STRN: variants seen among roughly 807,000 people sequenced by gnomAD.
STRN encodes striatin, also known as protein phosphatase 2 regulatory subunit B'''alpha.
Under a neutral mutation model 96.3 loss-of-function variants are expected in STRN, and 53 were observed. The observed-to-expected ratio is 0.55, with a 90% CI of 0.44 to 0.69. The LOEUF is 0.69. STRN is among the 30% of genes least tolerant of loss of function. The pLI is 0.00. For synonymous variants in STRN, 428 were observed against 355.9 expected (o/e 1.20, Z -2.28); for missense variants, 987 against 963.9 (o/e 1.02, Z -0.32).
chr2:36,949,570 T>C (rs540086195), intron 1 of STRN, among the ~76,000 whole-genome samples: 1 of 152,326 alleles, frequency 6.6e-6, no homozygotes, highest in Non-Finnish European at 1.5e-5. Flanking sequence ...GAAGAAGTAG[T>C]ACTAGTAATT....
At chr2:36,919,541 G>T (rs376357423) in intron 2 of STRN, among the ~76,000 whole-genome samples, 9 of 152,182 alleles carry the variant, frequency 5.9e-5, no homozygotes, top group African/African-American at 2.2e-4. Context: ...CACCCAAAAG[G>T]TATGGAAGGA....
intron 12 of STRN, among the ~76,000 whole-genome samples, chr2:36,864,111 G>C (rs1481258829): frequency 6.6e-6 from 1 of 152,168 alleles, no homozygotes; most frequent in East Asian, 1.9e-4. Context: ...AACAAAGACA[G>C]TTTGACTGCC....
intron 14 of STRN, among the ~76,000 whole-genome samples, chr2:36,856,020 T>C (rs1258254752): frequency 1.3e-5 from 2 of 152,162 alleles, no homozygotes; most frequent in African/African-American, 4.8e-5. Flanking sequence ...AAAATGTGCA[T>C]ACTGCAGAAG....
intron 7 of STRN, among the ~76,000 whole-genome samples, chr2:36,892,938 T>G (rs2148187004): frequency 6.6e-6 from 1 of 152,168 alleles, no homozygotes; most frequent in African/African-American, 2.4e-5. Context: ...GAGAATTGCT[T>G]GAACCCGGGA....
At chr2:36,955,660 T>C (rs1241651928) in intron 1 of STRN, among the ~76,000 whole-genome samples, 1 of 152,148 alleles carries the variant, frequency 6.6e-6, no homozygotes, top group Non-Finnish European at 1.5e-5. Context: ...GATTACTACG[T>C]CCAGTCCTTA....
chr2:36,934,536 G>T (rs1301561428), intron 1 of STRN, among the ~76,000 whole-genome samples: 2 of 152,158 alleles, frequency 1.3e-5, no homozygotes, highest in Non-Finnish European at 2.9e-5. Flanking sequence ...GAGTTAACAT[G>T]TTTTAAACCA....
In STRN at chr2:36,849,568, A is replaced by G. The variant is rs761493211; in HGVS notation, c.2231T>C (p.Phe744Ser). 39 of 1,614,080 alleles carry G rather than the reference A, an allele frequency of 2.4e-5. No homozygotes were observed. The highest frequency in any genetic ancestry group is 3.0e-5 in the Non-Finnish European group (35 of 1,180,022). ...TTCAAACTTTTTTCGATGAGCTGTGAATTCTTGGATACACGTCTTACTTTC... is the reference window on the plus strand; with the variant it reads ...TTCAAACTTTTTTCGATGAGCTGTGGATTCTTGGATACACGTCTTACTTTC... ...NLESKTCIQE[F>S]TAHRKKFEES... Residue 744 changes from phenylalanine to serine, a missense_variant, in exon 18 of 18, where the codon TTC becomes TCC. Coordinates refer to ENST00000263918, the MANE Select transcript of STRN (RefSeq NM_003162.4).
intron 9 of STRN, among the ~76,000 whole-genome samples, chr2:36,882,939 G>T (rs976424076): frequency 6.6e-6 from 1 of 152,028 alleles, no homozygotes; most frequent in African/African-American, 2.4e-5. Flanking sequence ...GTGTCTAAAA[G>T]AAAGAACTGT....
rs1028317265 is a variant in STRN at position 36,846,295 on chromosome 2, C to A, written c.*3161G>T. 1 of 145,786 alleles carries A rather than the reference C, an allele frequency of 6.9e-6. No individual in the cohort carries two copies. The highest frequency in any genetic ancestry group is 2.1e-4 in the South Asian group (1 of 4,684). The allele number at this position is 145,786 out of a possible 1,614,324, so 9.0% of individuals were successfully genotyped here. A position where few individuals can be genotyped will look rare whatever the true frequency, so the allele number is the denominator to read the frequency against. On this transcript the variant is annotated 3_prime_UTR_variant, in exon 18 of 18. Coordinates refer to ENST00000263918, the MANE Select transcript of STRN (RefSeq NM_003162.4). ...AGAACTATATATTATACTGCAAAAG[C>A]AAACAGCACAACACTCATCATACTC...
At chr2:36,939,709 T>C (rs1398237940) in intron 1 of STRN, among the ~76,000 whole-genome samples, 1 of 152,152 alleles carries the variant, frequency 6.6e-6, no homozygotes, top group African/African-American at 2.4e-5. Flanking sequence ...AAAGTTCATT[T>C]TGCCACTTAA....
In STRN at chr2:36,916,230, T is replaced by C. The variant is rs555171199; in HGVS notation, c.339-79A>G. 20 of 1,223,316 alleles carry C rather than the reference T, an allele frequency of 1.6e-5. No homozygotes were observed. The East Asian group carries it at 3.7e-4, about 22-fold the overall frequency. 75.8% of individuals were successfully genotyped at this position (1,223,316 alleles called of 1,614,324 possible). On this transcript the variant is annotated intron_variant, in intron 2 of 17. Transcript: ENST00000263918. ...TACACAATAGTAGTAGTCACAAGAA[T>C]TCAGTAGTCCTGGCTGAACACTCCT...
At chr2:36,870,968 A>G (rs1021163434) in intron 10 of STRN, among the ~76,000 whole-genome samples, 5 of 152,204 alleles carry the variant, frequency 3.3e-5, no homozygotes, top group African/African-American at 4.8e-5. Context: ...TTAACAAAAA[A>G]GTTAAAAAGT....
chr2:36,942,593 T>C lies in STRN; in HGVS notation c.235-17385A>G, dbSNP rs180898203. ...GGGATCAACAGGTCAAATATAACTA[T>C]TTCATATCTCTTAATAGATACTGAC... On this transcript the variant is annotated intron_variant, in intron 1 of 17. Coordinates refer to ENST00000263918, the MANE Select transcript of STRN (RefSeq NM_003162.4). Among the ~76,000 whole-genome samples the C allele has an allele frequency of 1.1e-3, 168 of 152,286 alleles. 2 individuals are homozygous for C. The highest frequency in any genetic ancestry group is 3.9e-3 in the African/African-American group (162 of 41,546).
intron 1 of STRN, among the ~76,000 whole-genome samples, chr2:36,952,058 C>T (rs1026462044): frequency 1.3e-5 from 2 of 151,242 alleles, no homozygotes; most frequent in African/African-American, 4.8e-5. Context: ...CACGCACGCA[C>T]ACACACACAC....
intron 2 of STRN, among the ~76,000 whole-genome samples, chr2:36,924,355 CAAAAAAAAA>C (rs143310395): frequency 2.9e-5 from 3 of 103,324 alleles, no homozygotes; most frequent in South Asian, 6.4e-4. Flanking sequence ...GACTCCGTTT[CAAAAAAAAA>C]AAAAAAAAAG....
At chr2:36,923,730 C>A (rs1227358668) in intron 2 of STRN, among the ~76,000 whole-genome samples, 2 of 151,716 alleles carry the variant, frequency 1.3e-5, no homozygotes, top group Non-Finnish European at 2.9e-5. Flanking sequence ...TGCAAATATC[C>A]CATTCACCAA....
intron 16 of STRN, among the ~76,000 whole-genome samples, chr2:36,850,397 T>C (rs1411803635): frequency 6.6e-6 from 1 of 152,206 alleles, no homozygotes; most frequent in Non-Finnish European, 1.5e-5. Context: ...ATTTCCTTTA[T>C]ACTGGTGAAA....
chr2:36,966,212 G>A lies in STRN; in HGVS notation c.234+18C>T, dbSNP rs1189933302. 6.5e-6 allele frequency: 10 copies of A among 1,542,412 alleles called. No homozygotes were observed. The highest frequency in any genetic ancestry group is 1.4e-5 in the African/African-American group (1 of 71,142). On this transcript the variant is annotated intron_variant, in intron 1 of 17. Transcript: ENST00000263918. ...CAAAGAGGCGGGATGAAGACGGCCAGGCCGGGAGGGTCTTTACCTGCAGCT... is the reference window on the plus strand; with the variant it reads ...CAAAGAGGCGGGATGAAGACGGCCAAGCCGGGAGGGTCTTTACCTGCAGCT...
rs1352416287 is a variant in STRN, at chr2:36,844,806, CA to C, written c.*4649del. 1 of 152,046 alleles carries C rather than the reference CA, an allele frequency of 6.6e-6. No homozygotes were observed. Among genetic ancestry groups the C allele is most frequent in the Non-Finnish European group, 1.5e-5 (1 of 68,012 alleles). The allele number at this position is 152,046 out of a possible 1,614,324, so 9.4% of individuals were successfully genotyped here. A position where few individuals can be genotyped will look rare whatever the true frequency, so the allele number is the denominator to read the frequency against. ...TTGCCAATTAAAAAGTTTGTAGTGGCAAAAGTAAAAATGATTCAAATTGACG... is the reference window on the plus strand; with the variant it reads ...TTGCCAATTAAAAAGTTTGTAGTGGCAAAGTAAAAATGATTCAAATTGACG... On this transcript the variant is annotated 3_prime_UTR_variant, in exon 18 of 18. Transcript: ENST00000263918.
Sources: allele counts gnomAD v4.1 joint callset (sites outside exome capture counted in the v4.1 genomes callset), GRCh38; gene constraint gnomAD v4.1.1; transcripts MANE v1.5; gene names NCBI Gene and HGNC (gene_info 2026-07-23, HGNC 2026-07-21).